EPHA2: variants seen among roughly 807,000 people sequenced by gnomAD.
The protein encoded by EPHA2 is EPH receptor A2.
In EPHA2, 54 loss-of-function variants were observed where a neutral mutation model predicts 104.9. The ratio of observed to expected loss-of-function variants is 0.51; its 90% CI spans 0.41 to 0.65. EPHA2 has a LOEUF of 0.65. Ranked by LOEUF, EPHA2 falls within the 30% of genes least tolerant of loss-of-function variation. The pLI is 0.00. For missense variants in EPHA2, 1,117 were observed against 1,369.5 expected (o/e 0.82, Z 2.91); for synonymous variants, 560 against 559.1 (o/e 1.00, Z -0.02).
intron 3 of EPHA2, among the ~76,000 whole-genome samples, chr1:16,140,115 A>C (rs2024794660): frequency 6.6e-6 from 1 of 152,220 alleles, no homozygotes; most frequent in Non-Finnish European, 1.5e-5. Context: ...CAGGACTCAA[A>C]GGACACCCAG....
rs976526542 is a variant in EPHA2 at position 16,124,693 on chromosome 1, G to A, written c.*522C>T. ...TCTTGCAAAGGCCCAGGAAAGCAAG[G>A]GTTTGGCCAGTCAGGGATGAGGATG... On this transcript the variant is annotated 3_prime_UTR_variant, in exon 17 of 17. Transcript: ENST00000358432. 2.5e-5 allele frequency: 4 copies of A among 158,154 alleles called. No individual in the cohort carries two copies. Among genetic ancestry groups the A allele is most frequent in the Admixed American group, 6.0e-5 (1 of 16,602 alleles). 9.8% of individuals were successfully genotyped at this position (158,154 alleles called of 1,614,324 possible).
chr1:16,129,442 C>T lies in EPHA2; in HGVS notation c.2817G>A (p.Met939Ile). The change falls in exon 16 of 17, where the codon ATG becomes ATA. Residue 939 changes from methionine (M) to isoleucine (I), a missense_variant. Physicochemically the swap from Met to Ile is conservative, Grantham distance 10. Coordinates refer to ENST00000358432, the MANE Select transcript of EPHA2 (RefSeq NM_004431.5). ...GYTAIEKVVQ[M>I]TNDDIKRIGV... Reference sequence around the variant, plus strand: ...AAAGGGGCCTGACTTACTCGTTGGTCATCTGCACCACCTTCTCGATGGCAG... The same window carrying T: ...AAAGGGGCCTGACTTACTCGTTGGTTATCTGCACCACCTTCTCGATGGCAG... 6.2e-7 allele frequency: 1 copy of T among 1,613,294 alleles called. No homozygotes were observed. Among genetic ancestry groups the T allele is most frequent in the Non-Finnish European group, 8.5e-7 (1 of 1,179,998 alleles).
rs2024583983 is a variant in EPHA2, at chr1:16,132,263, C to T, written c.2126G>A (p.Gly709Asp). The T allele has an allele frequency of 1.2e-6, 2 of 1,614,126 alleles. No homozygotes were observed. Among genetic ancestry groups the T allele is most frequent in the Admixed American group, 1.7e-5 (1 of 60,034 alleles). ...ALDKFLREKD[G>D]EFSVLQLVGM... ...CACCAGCTGCAGCACGCTGAACTCGCCATCCTTCTCCTGCCGGAGCACAGG... is the reference window on the plus strand; with the variant it reads ...CACCAGCTGCAGCACGCTGAACTCGTCATCCTTCTCCTGCCGGAGCACAGG... Residue 709 changes from glycine to aspartate, a missense_variant, in exon 13 of 17, where the codon GGC becomes GAC. Coordinates refer to ENST00000358432, the MANE Select transcript of EPHA2 (RefSeq NM_004431.5).
At position 16,128,168 on chromosome 1, in the gene EPHA2, G is replaced by A. The variant is rs1469576456; in HGVS notation, c.2825+1266C>T. ...GTCGTGTCATCTGCGCTGCACCCAT[G>A]CAATCCCATCAAACTTGATCAAGGT... is the stretch of plus-strand genomic sequence containing the variant. On this transcript the variant is annotated intron_variant, in intron 16 of 16. Transcript: ENST00000358432. The surrounding 1 kb of genome is among the most constrained non-coding windows in gnomAD (Gnocchi z 4.7). Among the ~76,000 whole-genome samples, 1 of 152,210 alleles carries A rather than the reference G, an allele frequency of 6.6e-6. No homozygotes were observed. The highest frequency in any genetic ancestry group is 1.5e-5 in the Non-Finnish European group (1 of 68,032).
Position 16,134,813 on chromosome 1 carries a change from C to G in EPHA2, c.1582+223G>C, listed in dbSNP as rs560546635. ...TTTCTGAGATGCGGATTTGAACTTCCTCACACCACTGTCGTGAATCCACAT... is the reference window on the plus strand; with the variant it reads ...TTTCTGAGATGCGGATTTGAACTTCGTCACACCACTGTCGTGAATCCACAT... On this transcript the variant is annotated intron_variant, in intron 7 of 16. Coordinates refer to ENST00000358432, the MANE Select transcript of EPHA2 (RefSeq NM_004431.5). This position sits in a 1 kb window ranked among gnomAD's most constrained non-coding sequence, Gnocchi z 4.5. Among the ~76,000 whole-genome samples, 1 of 152,330 alleles carries G rather than the reference C, an allele frequency of 6.6e-6. No individual in the cohort carries two copies. The highest frequency in any genetic ancestry group is 6.5e-5 in the Admixed American group (1 of 15,304).
At chr1:16,127,665 A>G (rs2024494854) in intron 16 of EPHA2, among the ~76,000 whole-genome samples, 1 of 152,118 alleles carries the variant, frequency 6.6e-6, no homozygotes, top group African/African-American at 2.4e-5. Flanking sequence ...TGAGATCCCC[A>G]TTTATTTGGA....
In EPHA2 at chr1:16,137,891, C is replaced by A. The variant is rs754988701; in HGVS notation, c.1274G>T (p.Arg425Leu). The change falls in exon 5 of 17, where the codon CGC becomes CTC. Residue 425 changes from arginine (R) to leucine (L), a missense_variant. By Grantham distance (102) the Arg-to-Leu change is moderately radical. Around this residue, in one of 3 missense-constraint regions of EPHA2, gnomAD observed 664 missense variants for 784.8 expected, o/e 0.85. Transcript: ENST00000358432. ...GCTGACACTGGCAGTACGGAAGCTG[C>A]GGCTGGTTACCAGGCCTGAGACGCC... is the stretch of plus-strand genomic sequence containing the variant. Reference protein sequence around the residue: ...RNGVSGLVTSRSFRTASVSIN... With the variant: ...RNGVSGLVTSLSFRTASVSIN... The A allele has an allele frequency of 4.3e-6, 7 of 1,613,868 alleles. No individual in the cohort carries two copies. The highest frequency in any genetic ancestry group is 1.1e-5 in the South Asian group (1 of 91,080).
chr1:16,149,846 T>C (rs2025004275), intron 2 of EPHA2, among the ~76,000 whole-genome samples: 1 of 152,178 alleles, frequency 6.6e-6, no homozygotes, highest in African/African-American at 2.4e-5. Flanking sequence ...GTGTCCTGTG[T>C]CCCGAGAGCC....
chr1:16,125,086 C>T lies in EPHA2; in HGVS notation c.*129G>A, dbSNP rs2024439511. 9 of 857,436 alleles carry T rather than the reference C, an allele frequency of 1.0e-5. No homozygotes were observed. Among genetic ancestry groups the T allele is most frequent in the East Asian group, 8.0e-5 (3 of 37,360 alleles). The allele number at this position is 857,436 out of a possible 1,614,324, so 53.1% of individuals were successfully genotyped here. Reference sequence around the variant, plus strand: ...CAGGGTGTCATCCGAGACCCCTCAGCGGAAGTTGCAGGGGGAGGAAAGAAC... The same window carrying T: ...CAGGGTGTCATCCGAGACCCCTCAGTGGAAGTTGCAGGGGGAGGAAAGAAC... On this transcript the variant is annotated 3_prime_UTR_variant, in exon 17 of 17. Transcript: ENST00000358432. This position sits in a 1 kb window ranked among gnomAD's most constrained non-coding sequence, Gnocchi z 4.9.
chr1:16,133,434 C>T (rs2124206619), intron 10 of EPHA2, 47 bp downstream of exon 10: 1 of 1,613,966 alleles, frequency 6.2e-7, no homozygotes. Flanking sequence ...CACACTGTGT[C>T]ACCACCGCTG....
chr1:16,138,185 C>A lies in EPHA2; in HGVS notation c.980G>T (p.Arg327Leu). 2 of 1,610,136 alleles carry A rather than the reference C, an allele frequency of 1.2e-6. No homozygotes were observed. The highest frequency in any genetic ancestry group is 1.7e-6 in the Non-Finnish European group (2 of 1,179,886). ...GAGGTAGTGTGGGGCGGAGGGGGGT[C>A]CTGCACAGACAGGAGGAGTCAGTGC... ...PQDPASMPCTRPPSAPHYLTA... is the reference protein window; with the variant it reads ...PQDPASMPCTLPPSAPHYLTA... The change falls in exon 5 of 17, where the codon CGA becomes CTA. Residue 327 changes from arginine (R) to leucine (L), a missense_variant and splice_region_variant. Around this residue, in one of 3 missense-constraint regions of EPHA2, gnomAD observed 664 missense variants for 784.8 expected, o/e 0.85. Coordinates refer to ENST00000358432, the MANE Select transcript of EPHA2 (RefSeq NM_004431.5).
At chr1:16,127,905 T>C (rs1251856459) in intron 16 of EPHA2, among the ~76,000 whole-genome samples, 1 of 152,172 alleles carries the variant, frequency 6.6e-6, no homozygotes, top group Non-Finnish European at 1.5e-5. Context: ...CTGGGCTATT[T>C]AGGGAAGCTT....
At position 16,131,111 on chromosome 1, in the gene EPHA2, C is replaced by T. The variant is rs1232961584; in HGVS notation, c.2475+610G>A. ...CAGGCCACCAGGCTGAGAGAGGCAC[C>T]AAGCACACAGACACACACACACATG... On this transcript the variant is annotated intron_variant, in intron 14 of 16. Transcript: ENST00000358432. This position sits in a 1 kb window ranked among gnomAD's most constrained non-coding sequence, Gnocchi z 5.2. 6.6e-6 allele frequency among the ~76,000 whole-genome samples: 1 copy of T among 151,986 alleles called. No individual in the cohort carries two copies. The highest frequency in any genetic ancestry group is 6.6e-5 in the Admixed American group (1 of 15,216).
At chr1:16,140,171 T>A (rs2024796145) in intron 3 of EPHA2, among the ~76,000 whole-genome samples, 1 of 152,208 alleles carries the variant, frequency 6.6e-6, no homozygotes, top group African/African-American at 2.4e-5. Flanking sequence ...GACTCTGCTC[T>A]CAGAGCCAGG....
At chr1:16,137,591 C>CT (rs1211342455) in intron 5 of EPHA2, among the ~76,000 whole-genome samples, 1 of 152,110 alleles carries the variant, frequency 6.6e-6, no homozygotes, top group Non-Finnish European at 1.5e-5. Context: ...GAGCGAGACT[C>CT]TGTCTCAAAA....
chr1:16,141,819 G>A (rs1009888583), intron 3 of EPHA2, among the ~76,000 whole-genome samples: 7 of 152,242 alleles, frequency 4.6e-5, no homozygotes, highest in African/African-American at 1.7e-4. Flanking sequence ...TTTCCGCTGC[G>A]GATGTGCCAG....
In EPHA2 at chr1:16,132,434, G is replaced by A. The variant is rs1009670403; in HGVS notation, c.2059C>T (p.Pro687Ser). 1.2e-6 allele frequency: 2 copies of A among 1,613,832 alleles called. No individual in the cohort carries two copies. Among genetic ancestry groups the A allele is most frequent in the Non-Finnish European group, 8.5e-7 (1 of 1,180,028 alleles). ...ATGTACTCAGTGATGATCATCATGG[G>A]CTTGTCTGTAGGGGGGTGGGCACAG... The part of the protein sequence containing the change: ...RLEGVISKYK[P>S]MMIITEYMEN... The change falls in exon 12 of 17, where the codon CCC becomes TCC. Residue 687 changes from proline (P) to serine (S), a missense_variant. This residue lies in a region of EPHA2 where 340 missense variants were observed against 480.5 expected (regional missense o/e 0.71). Transcript: ENST00000358432.
At chr1:16,133,106 G>A (rs1252085904) in intron 11 of EPHA2, 74 bp downstream of exon 11, 1 of 1,590,780 alleles carries the variant, frequency 6.3e-7, no homozygotes, top group Non-Finnish European at 8.5e-7. Context: ...TATAGGGGAG[G>A]TGGGCACAGT....
Position 16,131,937 on chromosome 1 carries a change from C to T in EPHA2, c.2326-67G>A. ...TGGCCCCAGGACCATTGCAGCCAAG[C>T]CCCACGACCCCTCCCTGGACTCCTA... On this transcript the variant is annotated intron_variant, in intron 13 of 16. Coordinates refer to ENST00000358432, the MANE Select transcript of EPHA2 (RefSeq NM_004431.5). The surrounding 1 kb of genome is among the most constrained non-coding windows in gnomAD (Gnocchi z 5.2). 2 of 1,598,808 alleles carry T rather than the reference C, an allele frequency of 1.3e-6. No individual in the cohort carries two copies. Among genetic ancestry groups the T allele is most frequent in the South Asian group, 2.2e-5 (2 of 89,732 alleles).
Sources: gnomAD v4.1 joint callset for allele counts (sites outside exome capture counted in the v4.1 genomes callset) on GRCh38, gnomAD v4.1.1 for gene constraint, gnomAD v4.1.1 regional missense constraint, Gnocchi (gnomAD v3.1) non-coding constraint, MANE v1.5 for transcripts, NCBI Gene and HGNC (gene_info 2026-07-23, HGNC 2026-07-21) for gene names.